The following RASSF5 variants were observed in gnomAD, a reference collection of about 807,000 sequenced individuals.
RASSF5 encodes the protein Ras association domain family member 5.
A neutral mutation model predicts 40.5 loss-of-function variants in RASSF5; 25 were observed. The observed-to-expected ratio is 0.62, with a 90% CI of 0.45 to 0.86. RASSF5 has a LOEUF of 0.86. Ranked by LOEUF, RASSF5 falls within the 40% of genes least tolerant of loss-of-function variation. The probability of loss-of-function intolerance (pLI) is 0.00; values close to 1 mark genes in which losing one functional copy is unlikely to be tolerated. For synonymous variants in RASSF5, 246 were observed against 252.4 expected (o/e 0.97, Z 0.24); for missense variants, 521 against 572.8 (o/e 0.91, Z 0.92).
intron 1 of RASSF5, among the ~76,000 whole-genome samples, chr1:206,533,453 A>G (rs1239393796): frequency 2.0e-5 from 3 of 152,150 alleles, no homozygotes; most frequent in Non-Finnish European, 4.4e-5. Flanking sequence ...CAAAAATGAT[A>G]TACTTAAGTC....
chr1:206,532,125 G>A (rs560078814), intron 1 of RASSF5, among the ~76,000 whole-genome samples: 3 of 152,242 alleles, frequency 2.0e-5, no homozygotes, highest in Admixed American at 1.3e-4. Flanking sequence ...TCCCTGTAGT[G>A]CCTAAGAACA....
intron 2 of RASSF5, among the ~76,000 whole-genome samples, chr1:206,573,634 A>G (rs1169998975): frequency 6.6e-6 from 1 of 152,230 alleles, no homozygotes; most frequent in Non-Finnish European, 1.5e-5. Flanking sequence ...GGCATAGAGA[A>G]GTAGTAGCAG....
At position 206,587,946 on chromosome 1, in the gene RASSF5, CA is replaced by C. The variant is rs1553408026; in HGVS notation, c.*969del. ...ACTTGGGTTCCCCATCGGCCTCCAGCACTGCCTCCCTCCTCCCACTGCGACT... is the reference window on the plus strand; with the variant it reads ...ACTTGGGTTCCCCATCGGCCTCCAGCCTGCCTCCCTCCTCCCACTGCGACT... On this transcript the variant is annotated 3_prime_UTR_variant, in exon 6 of 6. Transcript: ENST00000579436. The C allele has an allele frequency of 6.5e-6, 1 of 153,022 alleles. No homozygotes were observed. Among genetic ancestry groups the C allele is most frequent in the African/African-American group, 2.4e-5 (1 of 41,478 alleles). 9.5% of individuals were successfully genotyped at this position (153,022 alleles called of 1,614,324 possible).
chr1:206,523,910 A>T (rs1270695986), intron 1 of RASSF5, among the ~76,000 whole-genome samples: 1 of 112,914 alleles, frequency 8.9e-6, no homozygotes, highest in African/African-American at 3.7e-5. Flanking sequence ...TATATATTTT[A>T]TATATAATAT....
chr1:206,517,377 T>C (rs1572291612), intron 1 of RASSF5, among the ~76,000 whole-genome samples: 1 of 151,190 alleles, frequency 6.6e-6, no homozygotes, highest in Non-Finnish European at 1.5e-5. Context: ...TGCTGGGGGG[T>C]GGGAGAATCA....
chr1:206,557,778 C>A, intron 2 of RASSF5: 1 of 1,444,170 alleles, frequency 6.9e-7, no homozygotes, highest in Non-Finnish European at 9.6e-7. Context: ...TTGCTCCCAG[C>A]AAAGGGACAA....
intron 2 of RASSF5, chr1:206,544,658 C>CT (rs374060306): frequency 1.3e-5 from 2 of 152,466 alleles, no homozygotes; most frequent in African/African-American, 4.8e-5. Context: ...ATAGATCAGC[C>CT]GGCCAGCCAG....
intron 1 of RASSF5, chr1:206,518,646 G>T: frequency 4.1e-5 from 15 of 369,582 alleles, no homozygotes; most frequent in Admixed American, 9.1e-5. Context: ...GCAGTCTGCT[G>T]TTTAGTGCTG....
chr1:206,524,450 C>A (rs1461372831), intron 1 of RASSF5, among the ~76,000 whole-genome samples: 5 of 129,794 alleles, frequency 3.9e-5, no homozygotes, highest in South Asian at 2.3e-4. Context: ...AATATATTTT[C>A]TATATATTAT....
At chr1:206,539,612 C>T (rs1327611707) in intron 2 of RASSF5, among the ~76,000 whole-genome samples, 1 of 152,184 alleles carries the variant, frequency 6.6e-6, no homozygotes, top group Middle Eastern at 3.2e-3. Context: ...CTCTGCACAT[C>T]GCTCCACAGA....
chr1:206,507,941 C>A lies in RASSF5; in HGVS notation c.339C>A (p.Pro113=). ...GCATCTTCGAGCAGCCGCAGGATCC[C>A]AGAGTCCCGGCGGAGCGAGGCGAGG... is the stretch of plus-strand genomic sequence containing the variant. ...VRSIFEQPQD[P]RVPAERGEGH... Residue 113 remains proline, a synonymous_variant, in exon 1 of 6, where the codon CCC becomes CCA. Coordinates refer to ENST00000579436, the MANE Select transcript of RASSF5 (RefSeq NM_182663.4). The A allele has an allele frequency of 6.6e-7, 1 of 1,525,276 alleles. No homozygotes were observed. The highest frequency in any genetic ancestry group is 2.6e-5 in the East Asian group (1 of 38,146). 94.5% of individuals were successfully genotyped at this position (1,525,276 alleles called of 1,614,324 possible). A position where few individuals can be genotyped will look rare whatever the true frequency, so the allele number is the denominator to read the frequency against.
At chr1:206,555,871 G>A (rs914456770) in intron 2 of RASSF5, among the ~76,000 whole-genome samples, 4 of 152,206 alleles carry the variant, frequency 2.6e-5, no homozygotes, top group Admixed American at 6.5e-5. Flanking sequence ...AGGTGGGAGA[G>A]GGAGAGGGTT....
At chr1:206,530,750 T>TA (rs1293350195) in intron 1 of RASSF5, among the ~76,000 whole-genome samples, 1 of 152,214 alleles carries the variant, frequency 6.6e-6, no homozygotes, top group African/African-American at 2.4e-5. Context: ...TTACAGACTC[T>TA]AAGCAAGTAC....
chr1:206,507,587 C>A lies in RASSF5; in HGVS notation c.-16C>A. Reference sequence around the variant, plus strand: ...GCCAAAGCCGCCGCTGCCAAAGCTGCCGCCACTAGCCGGGCATGGCCATGG... The same window carrying A: ...GCCAAAGCCGCCGCTGCCAAAGCTGACGCCACTAGCCGGGCATGGCCATGG... On this transcript the variant is annotated 5_prime_UTR_variant, in exon 1 of 6. Coordinates refer to ENST00000579436, the MANE Select transcript of RASSF5 (RefSeq NM_182663.4). The A allele has an allele frequency of 6.7e-7, 1 of 1,485,032 alleles. No individual in the cohort carries two copies. The highest frequency in any genetic ancestry group is 2.3e-5 in the Admixed American group (1 of 43,722). The allele number at this position is 1,485,032 out of a possible 1,614,324, so 92.0% of individuals were successfully genotyped here.
chr1:206,539,098 G>A (rs1242080248), intron 2 of RASSF5, among the ~76,000 whole-genome samples: 3 of 152,214 alleles, frequency 2.0e-5, no homozygotes, highest in Non-Finnish European at 2.9e-5. Context: ...AGGAGGTGAT[G>A]TTTGATTTAA....
chr1:206,536,187 G>A (rs1382620268), intron 1 of RASSF5, among the ~76,000 whole-genome samples: 2 of 152,158 alleles, frequency 1.3e-5, no homozygotes, highest in African/African-American at 2.4e-5. Flanking sequence ...GGTCTCCCAC[G>A]GAGGACCAGA....
intron 2 of RASSF5, among the ~76,000 whole-genome samples, chr1:206,557,848 G>GC (rs1385106015): frequency 6.6e-6 from 1 of 152,234 alleles, no homozygotes; most frequent in Admixed American, 6.5e-5. Flanking sequence ...CGTATCTGGA[G>GC]CCCTTCAGGG....
chr1:206,524,095 A>G (rs1299606098), intron 1 of RASSF5, among the ~76,000 whole-genome samples: 8 of 125,194 alleles, frequency 6.4e-5, no homozygotes, highest in Non-Finnish European at 4.8e-5. Context: ...TAATATGTAT[A>G]CCATATATAA....
At chr1:206,555,257 C>G (rs1553401592) in intron 2 of RASSF5, among the ~76,000 whole-genome samples, 1 of 152,070 alleles carries the variant, frequency 6.6e-6, no homozygotes, top group Non-Finnish European at 1.5e-5. Context: ...CCTGGGGTAC[C>G]TTGGCTTGGT....
Sources: allele counts gnomAD v4.1 joint callset (sites outside exome capture counted in the v4.1 genomes callset), GRCh38; gene constraint gnomAD v4.1.1; transcripts MANE v1.5; gene names NCBI Gene and HGNC (gene_info 2026-07-23, HGNC 2026-07-21).